PTGER3: variants seen among roughly 807,000 people sequenced by gnomAD.
The protein encoded by PTGER3 is prostaglandin E2 receptor EP3 subtype.
PTGER3 carries 22 observed loss-of-function variants against 34.7 expected under a neutral mutation model. The observed-to-expected ratio is 0.63, with a 90% CI of 0.45 to 0.91. The LOEUF is 0.91. Among genes scored for constraint, PTGER3 ranks in the 40% least tolerant of loss-of-function variants. The pLI is 0.00. For synonymous variants in PTGER3, 241 were observed against 230.1 expected (o/e 1.05, Z -0.43); for missense variants, 468 against 519.4 (o/e 0.90, Z 0.96).
intron 1 of PTGER3, among the ~76,000 whole-genome samples, chr1:71,032,630 TAGAGTCTCAGAAAGAG>T (rs1214825691): frequency 6.6e-6 from 1 of 152,188 alleles, no homozygotes; most frequent in Admixed American, 6.5e-5. Flanking sequence ...AAGCTGAAGT[TAGAGTCTCAGAAAGAG>T]ACAGTGCTGG....
At chr1:70,865,895 A>C in intron 4 of PTGER3, 1 of 1,095,322 alleles carries the variant, frequency 9.1e-7, no homozygotes, top group African/African-American at 1.6e-5. Context: ...CTAGAGCCAC[A>C]TCACAGAAAC....
chr1:70,982,266 C>A (rs1438903566), intron 2 of PTGER3, among the ~76,000 whole-genome samples: 1 of 152,118 alleles, frequency 6.6e-6, no homozygotes, highest in East Asian at 1.9e-4. Context: ...TCACACAGAC[C>A]TGCTATATAA....
intron 2 of PTGER3, among the ~76,000 whole-genome samples, chr1:70,981,620 G>A (rs953057278): frequency 2.0e-5 from 3 of 151,614 alleles, no homozygotes; most frequent in Non-Finnish European, 4.4e-5. Flanking sequence ...TGTTGTTTAG[G>A]CTGGTCTCTA....
intron 4 of PTGER3, among the ~76,000 whole-genome samples, chr1:70,913,782 G>A (rs1647113132): frequency 6.6e-6 from 1 of 151,670 alleles, no homozygotes; most frequent in Admixed American, 6.6e-5. Context: ...GAAGTACCTT[G>A]ATTTTTGAAT....
chr1:70,984,879 T>C (rs1416702642), intron 2 of PTGER3, among the ~76,000 whole-genome samples: 2 of 152,202 alleles, frequency 1.3e-5, no homozygotes, highest in Non-Finnish European at 2.9e-5. Flanking sequence ...ATTAAAGAGA[T>C]ATTTTAGTGA....
intron 4 of PTGER3, among the ~76,000 whole-genome samples, chr1:70,872,363 G>A (rs1243563145): frequency 6.6e-6 from 1 of 152,136 alleles, no homozygotes; most frequent in South Asian, 2.1e-4. Flanking sequence ...CTCTGTAATA[G>A]TTACGTATAA....
chr1:70,913,074 T>C (rs1017295881), intron 4 of PTGER3, among the ~76,000 whole-genome samples: 1 of 151,986 alleles, frequency 6.6e-6, no homozygotes, highest in Admixed American at 6.6e-5. Flanking sequence ...TATAGATAAG[T>C]TTTGAGAGGA....
chr1:70,978,888 A>T (rs1423503364), intron 2 of PTGER3, among the ~76,000 whole-genome samples: 4 of 152,134 alleles, frequency 2.6e-5, no homozygotes, highest in African/African-American at 9.7e-5. Context: ...TGAGGATATG[A>T]AGCCACTTTC....
At chr1:70,920,640 G>A (rs1647434175) in intron 4 of PTGER3, among the ~76,000 whole-genome samples, 1 of 152,180 alleles carries the variant, frequency 6.6e-6, no homozygotes, top group African/African-American at 2.4e-5. Context: ...TACAAAGCTG[G>A]AGATTGAGAT....
chr1:70,915,699 T>A (rs1647159823), intron 4 of PTGER3, among the ~76,000 whole-genome samples: 1 of 151,990 alleles, frequency 6.6e-6, no homozygotes, highest in Admixed American at 6.6e-5. Context: ...CAAAACCATT[T>A]TCTGAATAGG....
intron 1 of PTGER3, among the ~76,000 whole-genome samples, chr1:71,024,679 C>G (rs7556650): frequency 0.4 from 52,744 of 132,152 alleles, 11,171 homozygotes; most frequent in Middle Eastern, 0.5. Flanking sequence ...CTCAGCCTCT[C>G]GAGTAGCTGG....
chr1:71,009,928 C>T (rs1657295082), intron 2 of PTGER3: 5 of 985,212 alleles, frequency 5.1e-6, no homozygotes, highest in Non-Finnish European at 6.0e-6. Context: ...AGGCTGAAAT[C>T]ATTTGGGATT....
chr1:70,967,376 T>A (rs1180425855), downstream of PTGER3, among the ~76,000 whole-genome samples: 3 of 152,138 alleles, frequency 2.0e-5, no homozygotes, highest in Admixed American at 6.5e-5. Context: ...TGTAGGTGCT[T>A]TAAGTCCTGC....
intron 2 of PTGER3, among the ~76,000 whole-genome samples, chr1:70,990,526 TATGTAC>T (rs1273609433): frequency 6.6e-6 from 1 of 151,756 alleles, no homozygotes; most frequent in Admixed American, 6.6e-5. Flanking sequence ...TAAATACATG[TATGTAC>T]ATGTATATAT....
chr1:71,043,280 TC>T (rs1660469811), intron 1 of PTGER3, among the ~76,000 whole-genome samples: 1 of 152,214 alleles, frequency 6.6e-6, no homozygotes, highest in Admixed American at 6.5e-5. Context: ...AAACTGTAGG[TC>T]ATCTATCATG....
intron 2 of PTGER3, among the ~76,000 whole-genome samples, chr1:70,985,880 G>T (rs937685742): frequency 6.6e-6 from 1 of 152,210 alleles, no homozygotes; most frequent in Non-Finnish European, 1.5e-5. Flanking sequence ...TTAGGGCTAA[G>T]ATGACATTGT....
rs1281770344 is a variant in PTGER3 at position 71,047,386 on chromosome 1, C to T, written c.192G>A (p.Val64=). 3 of 1,611,382 alleles carry T rather than the reference C, an allele frequency of 1.9e-6. No homozygotes were observed. The African/African-American group carries it at 4.0e-5, about 22-fold the overall frequency. ...FPITMLLTGF[V]GNALAMLLVS... Reference sequence around the variant, plus strand: ...CGAGCAGCATGGCCAGTGCGTTGCCCACGAAACCAGTGAGCAGCATGGTGA... The same window carrying T: ...CGAGCAGCATGGCCAGTGCGTTGCCTACGAAACCAGTGAGCAGCATGGTGA... Residue 64 remains valine, a synonymous_variant, in exon 1 of 4, where the codon GTG becomes GTA. Transcript: ENST00000306666.
rs765806631 is a variant in PTGER3, at chr1:70,974,311, G to A, written c.1155C>T (p.Ser385=). 21 of 1,591,086 alleles carry A rather than the reference G, an allele frequency of 1.3e-5. No individual in the cohort carries two copies. The highest frequency in any genetic ancestry group is 4.0e-5 in the African/African-American group (3 of 74,312). The change falls in exon 3 of 4, where the codon AGC becomes AGT. Residue 385 remains serine (S), a synonymous_variant. Transcript: ENST00000306666. ...CTAAATCTCACCTTTCCAAATGGTC[G>A]CTCCACATCAAGGTTGAGGAACACT... ...PCQCSSTLMW[S]DHLER
downstream of PTGER3, among the ~76,000 whole-genome samples, chr1:70,966,599 C>T (rs1652542451): frequency 6.6e-6 from 1 of 151,972 alleles, no homozygotes; most frequent in African/African-American, 2.4e-5. Flanking sequence ...TCCCTCCCCT[C>T]ACCCCCGACC....
Sources: allele counts gnomAD v4.1 joint callset (sites outside exome capture counted in the v4.1 genomes callset), GRCh38; gene constraint gnomAD v4.1.1; transcripts MANE v1.5; gene names NCBI Gene and HGNC (gene_info 2026-07-23, HGNC 2026-07-21).